Variants in MARK3 observed in about 807,000 individuals in gnomAD.
MARK3 encodes MAP/microtubule affinity-regulating kinase 3.
A neutral mutation model predicts 90.1 loss-of-function variants in MARK3; 46 were observed. The observed-to-expected ratio is 0.51, with a 90% CI of 0.40 to 0.65. MARK3 has a LOEUF of 0.65. Among genes scored for constraint, MARK3 ranks in the 30% least tolerant of loss-of-function variants. The pLI, the probability that MARK3 is intolerant of heterozygous loss-of-function variation, is 0.00. For synonymous variants in MARK3, 321 were observed against 332.6 expected, an observed-to-expected ratio of 0.97 and a Z score of 0.38; for missense variants, 818 against 947.2, an observed-to-expected ratio of 0.86 and a Z score of 1.79.
At position 103,460,073 on chromosome 14, in the gene MARK3, C is replaced by CTTTTTTTTTTT. The variant is rs571611660; in HGVS notation, c.484-2311_484-2301dup. On this transcript the variant is annotated intron_variant, in intron 6 of 17. Transcript: ENST00000429436. ...AAAAAGAATAGATTTCCAGCTCCATCTTTTTTTTTTTTTTTTTTTTTTTTT... is the reference window on the plus strand; with the variant it reads ...AAAAAGAATAGATTTCCAGCTCCATCTTTTTTTTTTTTTTTTTTTTTTTTTTTTTTTTTTTT... Among the ~76,000 whole-genome samples the CTTTTTTTTTTT allele has an allele frequency of 6.0e-3, 249 of 41,720 alleles. 70 individuals carry two copies. The highest frequency in any genetic ancestry group is 0.016 in the South Asian group (8 of 504). The allele number at this position is 41,720 out of a possible 152,430, so 27.4% of individuals were successfully genotyped here. A position where few individuals can be genotyped will look rare whatever the true frequency, so the allele number is the denominator to read the frequency against.
chr14:103,499,380 G>A (rs2075529367), intron 16 of MARK3: 1 of 152,208 alleles, frequency 6.6e-6, no homozygotes, highest in Non-Finnish European at 1.5e-5. Flanking sequence ...GATCACCTGA[G>A]CCCTGGGAGG....
At chr14:103,470,257 C>T (rs188736790) in intron 12 of MARK3, among the ~76,000 whole-genome samples, 49 of 151,956 alleles carry the variant, frequency 3.2e-4, no homozygotes, top group Admixed American at 1.4e-3. Context: ...TTAAACTTCA[C>T]CTAGAAGCCA....
intron 3 of MARK3, among the ~76,000 whole-genome samples, chr14:103,445,160 G>T (rs2092962418): frequency 6.6e-6 from 1 of 152,074 alleles, no homozygotes; most frequent in African/African-American, 2.4e-5. Context: ...CCCACAATGA[G>T]AATCCTGGCT....
rs148374868 is a variant in MARK3, at chr14:103,451,892, C to T, written c.347-26C>T. ...TGCATACAGACATTTGTCTCTTTTT[C>T]TTCCGTGTCCTCTCCTCTCCCGCAG... On this transcript the variant is annotated intron_variant, in intron 4 of 17. Transcript: ENST00000429436. The T allele has an allele frequency of 5.2e-5, 82 of 1,561,958 alleles. No individual in the cohort carries two copies. The East Asian group carries it at 1.8e-3, about 35-fold the overall frequency.
At position 103,392,002 on chromosome 14, in the gene MARK3, G is replaced by A. The variant is rs192528289; in HGVS notation, c.51+5922G>A. ...TGAATTTCAAAGGATATGACACTTC[G>A]TAAGCCTGGTAATGTTATTGGCCAA... On this transcript the variant is annotated intron_variant, in intron 1 of 17. Transcript: ENST00000429436. Among the ~76,000 whole-genome samples the A allele has an allele frequency of 1.1e-3, 171 of 152,228 alleles. 1 individual carries two copies. The highest frequency in any genetic ancestry group is 3.9e-3 in the African/African-American group (160 of 41,530).
chr14:103,402,758 C>T (rs753361573), intron 1 of MARK3, among the ~76,000 whole-genome samples: 14 of 152,054 alleles, frequency 9.2e-5, no homozygotes, highest in Non-Finnish European at 1.8e-4. Context: ...ACAGGGTGGT[C>T]TTCAGTATGT....
At chr14:103,481,622 T>C (rs1193936056) in intron 14 of MARK3, among the ~76,000 whole-genome samples, 1 of 100,808 alleles carries the variant, frequency 9.9e-6, no homozygotes, top group Non-Finnish European at 2.0e-5. Flanking sequence ...TTACATTCTC[T>C]TGTTCTCTTT....
intron 3 of MARK3, among the ~76,000 whole-genome samples, chr14:103,430,095 T>C (rs1007135447): frequency 6.6e-6 from 1 of 152,234 alleles, no homozygotes; most frequent in Non-Finnish European, 1.5e-5. Context: ...AGTGTGATTA[T>C]GCATATTTGC....
In MARK3 at chr14:103,389,528, C is replaced by CAAAAAAA. The variant is rs67737305; in HGVS notation, c.51+3462_51+3468dup. Among the ~76,000 whole-genome samples the CAAAAAAA allele has an allele frequency of 1.8e-3, 88 of 49,852 alleles. 13 individuals are homozygous for CAAAAAAA. The highest frequency in any genetic ancestry group is 5.2e-3 in the African/African-American group (62 of 11,992). The allele number at this position is 49,852 out of a possible 152,430, so 32.7% of individuals were successfully genotyped here. ...GAGTGACAGAGTAAGACTCTGTCTCCAAAAAAAAAAAAAAAAAAAAGCAGA... is the reference window on the plus strand; with the variant it reads ...GAGTGACAGAGTAAGACTCTGTCTCCAAAAAAAAAAAAAAAAAAAAAAAAAAAGCAGA... On this transcript the variant is annotated intron_variant, in intron 1 of 17. Transcript: ENST00000429436.
At chr14:103,484,322 A>G (rs896421021) in intron 14 of MARK3, among the ~76,000 whole-genome samples, 1 of 152,056 alleles carries the variant, frequency 6.6e-6, no homozygotes, top group Non-Finnish European at 1.5e-5. Flanking sequence ...GATTACAGGC[A>G]CACACCACCA....
chr14:103,499,160 G>A (rs1456122722), intron 16 of MARK3: 3 of 152,208 alleles, frequency 2.0e-5, no homozygotes, highest in Admixed American at 1.3e-4. Context: ...ACTACAGAAA[G>A]TGGTGTTCTG....
intron 5 of MARK3, 41 bp from the exon 6 acceptor site, chr14:103,457,101 G>GA: frequency 8.2e-7 from 1 of 1,219,516 alleles, no homozygotes; most frequent in South Asian, 1.3e-5. Flanking sequence ...TTAATACTCA[G>GA]AAGTAGGATT....
At chr14:103,386,189 A>C in intron 1 of MARK3, 109 bp downstream of exon 1, 1 of 1,080,320 alleles carries the variant, frequency 9.3e-7, no homozygotes, top group Non-Finnish European at 1.4e-6. Flanking sequence ...CTGGAAATAG[A>C]GGGCAGGCCG....
chr14:103,469,572 G>T (rs1008381951), intron 12 of MARK3, among the ~76,000 whole-genome samples: 1 of 152,046 alleles, frequency 6.6e-6, no homozygotes, highest in Non-Finnish European at 1.5e-5. Context: ...TGCAACCTCA[G>T]CCTCCGAAGT....
chr14:103,436,178 C>T (rs550386952), intron 3 of MARK3, among the ~76,000 whole-genome samples: 44 of 152,272 alleles, frequency 2.9e-4, no homozygotes, highest in African/African-American at 9.9e-4. Context: ...GTGTGGCCAC[C>T]GTGCCCGGCA....
intron 1 of MARK3, among the ~76,000 whole-genome samples, chr14:103,401,854 G>A (rs924733635): frequency 6.6e-6 from 1 of 152,220 alleles, no homozygotes; most frequent in African/African-American, 2.4e-5. Context: ...GATGCAGGGA[G>A]AGCCTTAGAA....
In MARK3 at chr14:103,503,406, T is replaced by G; in HGVS notation, c.*179T>G. 1 of 626,276 alleles carries G rather than the reference T, an allele frequency of 1.6e-6. No homozygotes were observed. Among genetic ancestry groups the G allele is most frequent in the Non-Finnish European group, 2.7e-6 (1 of 365,990 alleles). 38.8% of individuals were successfully genotyped at this position (626,276 alleles called of 1,614,324 possible). On this transcript the variant is annotated 3_prime_UTR_variant, in exon 18 of 18. Coordinates refer to ENST00000429436, the MANE Select transcript of MARK3 (RefSeq NM_001128918.3). ...GCCTTTTTTCTACGAATGCACTACA[T>G]TAAAGATGTGCAACCTATGCGCCCC...
At chr14:103,411,739 C>T (rs927404261) in intron 2 of MARK3, among the ~76,000 whole-genome samples, 1 of 152,066 alleles carries the variant, frequency 6.6e-6, no homozygotes, top group African/African-American at 2.4e-5. Context: ...TCGCCTGCCT[C>T]AGCCTCCTGA....
chr14:103,480,901 G>A (rs1329323914), intron 14 of MARK3, among the ~76,000 whole-genome samples: 1 of 152,212 alleles, frequency 6.6e-6, no homozygotes, highest in Non-Finnish European at 1.5e-5. Flanking sequence ...ACAGCACCAG[G>A]TAGCATTAAA....
Sources: allele counts gnomAD v4.1 joint callset (sites outside exome capture counted in the v4.1 genomes callset), GRCh38; gene constraint gnomAD v4.1.1; transcripts MANE v1.5; gene names NCBI Gene and HGNC (gene_info 2026-07-23, HGNC 2026-07-21).